The following FMN2 variants were observed in gnomAD, a reference collection of about 807,000 sequenced individuals.
FMN2 encodes formin-2.
Under a neutral mutation model 142.3 loss-of-function variants are expected in FMN2, and 51 were observed. The ratio of observed to expected loss-of-function variants is 0.36; its 90% confidence interval spans 0.29 to 0.45. FMN2 has a LOEUF of 0.45. FMN2 is among the 20% of genes least tolerant of loss of function. FMN2 has a pLI of 1.00. For missense variants in FMN2, 1,936 were observed against 2,122.8 expected (o/e 0.91, Z 1.73); for synonymous variants, 882 against 869.8 (o/e 1.01, Z -0.25).
chr1:240,349,984 C>A (rs188774964), intron 13 of FMN2, among the ~76,000 whole-genome samples: 74 of 151,602 alleles, frequency 4.9e-4, no homozygotes, highest in African/African-American at 1.3e-3. Flanking sequence ...TAGTCACATA[C>A]CAATTTTGAG....
intron 2 of FMN2, among the ~76,000 whole-genome samples, chr1:240,157,300 C>T (rs548081832): frequency 4.6e-5 from 7 of 152,250 alleles, no homozygotes; most frequent in African/African-American, 1.4e-4. Flanking sequence ...AACTGAGCTT[C>T]GTGTATGTCT....
At chr1:240,348,314 C>G (rs1402749586) in intron 13 of FMN2, among the ~76,000 whole-genome samples, 2 of 151,588 alleles carry the variant, frequency 1.3e-5, no homozygotes, top group African/African-American at 4.8e-5. Context: ...CTCTGCCTCC[C>G]GGGTTCAAGT....
At chr1:240,099,725 G>A (rs576694539) in intron 1 of FMN2, among the ~76,000 whole-genome samples, 5 of 152,194 alleles carry the variant, frequency 3.3e-5, no homozygotes, top group African/African-American at 1.2e-4. Flanking sequence ...ATTGAATTCC[G>A]TTTCCTCTTT....
chr1:240,119,787 G>C (rs1458559442), intron 1 of FMN2, among the ~76,000 whole-genome samples: 1 of 152,116 alleles, frequency 6.6e-6, no homozygotes, highest in African/African-American at 2.4e-5. Flanking sequence ...GGATGTGCAC[G>C]TACACATTTA....
At chr1:240,311,558 G>A (rs1206612358) in intron 8 of FMN2, among the ~76,000 whole-genome samples, 1 of 151,844 alleles carries the variant, frequency 6.6e-6, no homozygotes, top group Non-Finnish European at 1.5e-5. Context: ...AAAAAGAAAA[G>A]CTTTGGATCT....
rs753960191 is a variant in FMN2 at position 240,208,487 on chromosome 1, C to T, written c.3675C>T (p.Leu1225=). 6.2e-7 allele frequency: 1 copy of T among 1,611,092 alleles called. No individual in the cohort carries two copies. The highest frequency in any genetic ancestry group is 1.1e-5 in the South Asian group (1 of 90,754). ...TTCCACCTGCTCCAGCTCCCCCACT[C>T]CCTCCACCTGGGACAGGAATCCCAC... The part of the protein sequence containing the change: ...MGIPPAPAPP[L]PPPGTGIPPP... The change falls in exon 5 of 18, where the codon CTC becomes CTT. Residue 1225 remains leucine (L), a synonymous_variant. Coordinates refer to ENST00000319653, the MANE Select transcript of FMN2 (RefSeq NM_020066.5).
intron 8 of FMN2, among the ~76,000 whole-genome samples, chr1:240,312,853 G>A (rs1670641448): frequency 6.6e-6 from 1 of 152,152 alleles, no homozygotes; most frequent in Non-Finnish European, 1.5e-5. Flanking sequence ...GAACTGATCA[G>A]ATCGCTGCCC....
At chr1:240,259,901 C>T (rs1668571746) in intron 7 of FMN2, among the ~76,000 whole-genome samples, 1 of 152,136 alleles carries the variant, frequency 6.6e-6, no homozygotes, top group East Asian at 1.9e-4. Flanking sequence ...TCCTCACCCC[C>T]TCCCACCCTT....
At chr1:240,234,324 G>T (rs1667626057) in intron 6 of FMN2, among the ~76,000 whole-genome samples, 1 of 152,134 alleles carries the variant, frequency 6.6e-6, no homozygotes, top group African/African-American at 2.4e-5. Context: ...AGGAGAAAAA[G>T]GTGAGAAGGG....
At chr1:240,118,395 T>A (rs961658600) in intron 1 of FMN2, among the ~76,000 whole-genome samples, 5 of 152,122 alleles carry the variant, frequency 3.3e-5, no homozygotes, top group African/African-American at 1.2e-4. Context: ...ATGACGCTGC[T>A]GGGGCTGCAT....
intron 2 of FMN2, among the ~76,000 whole-genome samples, chr1:240,167,153 C>A (rs746449368): frequency 4.6e-5 from 7 of 152,164 alleles, no homozygotes; most frequent in East Asian, 3.9e-4. Context: ...ACAAAAAAAA[C>A]CAAAAGGGAT....
intron 2 of FMN2, among the ~76,000 whole-genome samples, chr1:240,165,283 C>G (rs1291454270): frequency 3.3e-5 from 5 of 152,144 alleles, no homozygotes; most frequent in Non-Finnish European, 5.9e-5. Flanking sequence ...TCAAGTGATC[C>G]TCTAGCCTCA....
At chr1:240,460,729 A>T (rs1676420838) in intron 16 of FMN2, among the ~76,000 whole-genome samples, 1 of 151,990 alleles carries the variant, frequency 6.6e-6, no homozygotes, top group East Asian at 1.9e-4. Context: ...AAAGTAAAAT[A>T]TTAAAAACAT....
intron 14 of FMN2, among the ~76,000 whole-genome samples, chr1:240,381,374 A>T (rs1334000624): frequency 6.6e-6 from 1 of 152,100 alleles, no homozygotes; most frequent in Non-Finnish European, 1.5e-5. Context: ...GGTTTAACAT[A>T]CACATGTCAA....
In FMN2 at chr1:240,152,622, G is replaced by T. The variant is rs370845318; in HGVS notation, c.1783-25299G>T. On this transcript the variant is annotated intron_variant, in intron 2 of 17. Coordinates refer to ENST00000319653, the MANE Select transcript of FMN2 (RefSeq NM_020066.5). ...CCTCAGCACAGTGGCCCTGTTGCCT[G>T]TGCCTACTTCTGGGATGAGCTAGGA... is the stretch of plus-strand genomic sequence containing the variant. Among the ~76,000 whole-genome samples, 11 of 152,298 alleles carry T rather than the reference G, an allele frequency of 7.2e-5. No individual in the cohort carries two copies. In the East Asian group the frequency reaches 1.7e-3, roughly 24 times the overall value.
At chr1:240,119,474 C>T (rs1191325744) in intron 1 of FMN2, among the ~76,000 whole-genome samples, 1 of 152,156 alleles carries the variant, frequency 6.6e-6, no homozygotes, top group Non-Finnish European at 1.5e-5. Context: ...GTTATTTTTG[C>T]CCCCTGCCCC....
At chr1:240,195,865 A>T (rs917543525) in intron 4 of FMN2, among the ~76,000 whole-genome samples, 1 of 151,772 alleles carries the variant, frequency 6.6e-6, no homozygotes, top group African/African-American at 2.4e-5. Context: ...CAATAATAAT[A>T]AAAAAAACAG....
Position 240,399,702 on chromosome 1 carries a change from C to T in FMN2, c.4910+7140C>T, listed in dbSNP as rs574238938. 4.1e-4 allele frequency among the ~76,000 whole-genome samples: 62 copies of T among 152,298 alleles called. 1 individual carries two copies. In the South Asian group the frequency reaches 0.012, roughly 31 times the overall value. On this transcript the variant is annotated intron_variant, in intron 15 of 17. Coordinates refer to ENST00000319653, the MANE Select transcript of FMN2 (RefSeq NM_020066.5). ...TAAGAGGGGGCTCCCTTTCTCAACA[C>T]TTCCTTACTTAAAGGGCAGATGCTC...
intron 15 of FMN2, among the ~76,000 whole-genome samples, chr1:240,434,408 T>G (rs1675283200): frequency 6.6e-6 from 1 of 152,196 alleles, no homozygotes; most frequent in African/African-American, 2.4e-5. Context: ...TTTCGTGTTA[T>G]GCAAGTTTGA....
Sources: gnomAD v4.1 joint callset for allele counts (sites outside exome capture counted in the v4.1 genomes callset) on GRCh38, gnomAD v4.1.1 for gene constraint, MANE v1.5 for transcripts, NCBI Gene and HGNC (gene_info 2026-07-23, HGNC 2026-07-21) for gene names.